BDKRB2: variants seen among roughly 807,000 people sequenced by gnomAD.
BDKRB2 encodes B2 bradykinin receptor.
A neutral mutation model predicts 4.0 loss-of-function variants in BDKRB2; 6 were observed. That is an observed-to-expected ratio of 1.49 (90% CI 0.81 to 2.93). The LOEUF (loss-of-function observed/expected upper bound fraction) is 2.93, where lower values mean the gene tolerates loss of function less well. Ranked by LOEUF, BDKRB2 falls within the 30% of genes most tolerant of loss-of-function variation. The pLI is 0.00. For synonymous variants in BDKRB2, 225 were observed against 215.3 expected (o/e 1.05, Z -0.40); for missense variants, 478 against 520.1 (o/e 0.92, Z 0.79).
At chr14:96,225,365 G>T (rs907259025) in intron 1 of BDKRB2, among the ~76,000 whole-genome samples, 6 of 152,104 alleles carry the variant, frequency 3.9e-5, no homozygotes, top group African/African-American at 1.4e-4. Flanking sequence ...TAGGGATCTT[G>T]GCTGGCTGAG....
intron 1 of BDKRB2, among the ~76,000 whole-genome samples, chr14:96,233,123 C>T (rs1187365176): frequency 4.6e-5 from 7 of 152,170 alleles, no homozygotes; most frequent in Non-Finnish European, 7.3e-5. Context: ...TCACCCCGGG[C>T]TCAGCTGATC....
chr14:96,234,646 C>T (rs778535407), intron 1 of BDKRB2, among the ~76,000 whole-genome samples: 1 of 152,214 alleles, frequency 6.6e-6, no homozygotes, highest in Non-Finnish European at 1.5e-5. Context: ...AGTTCCTCAA[C>T]CCGCCTGCCC....
Position 96,240,652 on chromosome 14 carries a change from C to T in BDKRB2, c.324C>T (p.Cys108=), listed in dbSNP as rs201395940. 5.4e-5 allele frequency: 85 copies of T among 1,571,678 alleles called. No individual in the cohort carries two copies. In the African/African-American group the frequency reaches 5.6e-4, roughly 10 times the overall value. Residue 108 remains cysteine, a synonymous_variant, in exon 3 of 3, where the codon TGC becomes TGT. Coordinates refer to ENST00000554311, the MANE Select transcript of BDKRB2 (RefSeq NM_001379692.1). ...NLAAADLILA[C]GLPFWAITIS... is the part of the protein sequence containing the mutation. ...CCGCAGCAGACCTGATCCTGGCCTGCGGGCTGCCCTTCTGGGCCATCACCA... is the reference window on the plus strand; with the variant it reads ...CCGCAGCAGACCTGATCCTGGCCTGTGGGCTGCCCTTCTGGGCCATCACCA...
At chr14:96,239,495 A>AAAGAGG in intron 2 of BDKRB2, 1 of 985,412 alleles carries the variant, frequency 1.0e-6, no homozygotes, top group Non-Finnish European at 1.2e-6. Flanking sequence ...CCTAAGAATG[A>AAAGAGG]AAGAGGAGCC....
At chr14:96,223,044 T>C (rs1042372805) in intron 1 of BDKRB2, 11 of 713,652 alleles carry the variant, frequency 1.5e-5, no homozygotes, top group East Asian at 2.7e-5. Context: ...CAAGGAAGGG[T>C]GTGCTGTTGG....
intron 2 of BDKRB2, 47 bp from the exon 3 acceptor site, chr14:96,240,356 C>A (rs766725539): frequency 7.1e-7 from 1 of 1,410,940 alleles, no homozygotes; most frequent in Non-Finnish European, 9.3e-7. Context: ...TTTTGTCCTT[C>A]CCTTGTGACC....
chr14:96,221,262 C>T (rs1379215652), intron 1 of BDKRB2, among the ~76,000 whole-genome samples: 1 of 152,120 alleles, frequency 6.6e-6, no homozygotes, highest in African/African-American at 2.4e-5. Flanking sequence ...ATTATTATTC[C>T]CTGGTTGCTG....
At chr14:96,210,110 T>C (rs7161518) in intron 1 of BDKRB2, among the ~76,000 whole-genome samples, 71,162 of 152,030 alleles carry the variant, frequency 0.47, 17,472 homozygotes, top group East Asian at 0.93. Flanking sequence ...TATCCTTTGT[T>C]CCATACCTGT....
intron 1 of BDKRB2, 28 bp downstream of exon 1, chr14:96,204,987 C>A (rs1366057756): frequency 5.0e-6 from 1 of 201,776 alleles, no homozygotes; most frequent in Non-Finnish European, 1.1e-5. Flanking sequence ...GCTGCTCCAG[C>A]CGCCTCACCT....
chr14:96,240,490 C>T lies in BDKRB2; in HGVS notation c.162C>T (p.Gly54=), dbSNP rs1595265985. Residue 54 remains glycine (G), a synonymous_variant, in exon 3 of 3, where the codon GGC becomes GGT. Transcript: ENST00000554311. ...QSKCPQVEWL[G]WLNTIQPPFL... is the part of the protein sequence containing the mutation. ...AATGCCCCCAAGTGGAGTGGCTGGG[C>T]TGGCTCAACACCATCCAGCCCCCCT... 1.3e-6 allele frequency: 2 copies of T among 1,539,386 alleles called. No individual in the cohort carries two copies. The highest frequency in any genetic ancestry group is 8.7e-7 in the Non-Finnish European group (1 of 1,145,144).
intron 1 of BDKRB2, among the ~76,000 whole-genome samples, chr14:96,205,473 A>T (rs1466363988): frequency 1.4e-5 from 2 of 143,088 alleles, no homozygotes; most frequent in Non-Finnish European, 3.0e-5. Context: ...GCAGGGTTAA[A>T]TCAGAAGCAG....
chr14:96,233,715 G>A (rs767325937), intron 1 of BDKRB2: 11 of 152,178 alleles, frequency 7.2e-5, no homozygotes, highest in Non-Finnish European at 1.5e-4. Flanking sequence ...CTGCTTCAAA[G>A]GCCCTAAGGT....
intron 1 of BDKRB2, among the ~76,000 whole-genome samples, chr14:96,219,875 T>G (rs886898000): frequency 7.9e-5 from 12 of 151,224 alleles, no homozygotes; most frequent in African/African-American, 2.9e-4. Flanking sequence ...GAAGGATGAG[T>G]AGGAGTTGGA....
chr14:96,206,099 G>C (rs188516296), intron 1 of BDKRB2, among the ~76,000 whole-genome samples: 56 of 152,334 alleles, frequency 3.7e-4, no homozygotes, highest in African/African-American at 1.3e-3. Context: ...GGCCCTGCCC[G>C]AGGTTCTCTG....
intron 1 of BDKRB2, among the ~76,000 whole-genome samples, chr14:96,228,078 T>C (rs937159138): frequency 6.9e-6 from 1 of 145,412 alleles, no homozygotes; most frequent in Non-Finnish European, 1.5e-5. Context: ...TCACTATTCC[T>C]TGGGGCCTGC....
intron 1 of BDKRB2, among the ~76,000 whole-genome samples, chr14:96,211,635 G>A (rs1433909388): frequency 1.3e-5 from 2 of 152,156 alleles, no homozygotes; most frequent in East Asian, 3.9e-4. Flanking sequence ...ACTCTGTGAA[G>A]ATGATTCCTC....
chr14:96,227,090 C>T (rs1595257033), intron 1 of BDKRB2, among the ~76,000 whole-genome samples: 7 of 152,252 alleles, frequency 4.6e-5, no homozygotes, highest in South Asian at 4.2e-4. Context: ...CTGTAGACAT[C>T]GTTTCACCTC....
At chr14:96,211,321 G>C (rs1052216954) in intron 1 of BDKRB2, among the ~76,000 whole-genome samples, 11 of 152,204 alleles carry the variant, frequency 7.2e-5, no homozygotes, top group Admixed American at 7.2e-4. Flanking sequence ...ATTGCACCTT[G>C]TGCATGCGCT....
intron 1 of BDKRB2, among the ~76,000 whole-genome samples, chr14:96,219,052 A>G (rs933698851): frequency 5.3e-5 from 8 of 152,176 alleles, no homozygotes; most frequent in Admixed American, 3.3e-4. Context: ...GCCTATAATC[A>G]CAGCGCTTTG....
Sources: gnomAD v4.1 joint callset for allele counts (sites outside exome capture counted in the v4.1 genomes callset) on GRCh38, gnomAD v4.1.1 for gene constraint, MANE v1.5 for transcripts, NCBI Gene and HGNC (gene_info 2026-07-23, HGNC 2026-07-21) for gene names.